Variants in EPHA3 observed in about 807,000 individuals in gnomAD.
EPHA3 encodes ephrin type-A receptor 3.
A neutral mutation model predicts 107.1 loss-of-function variants in EPHA3; 42 were observed. The ratio of observed to expected loss-of-function variants is 0.39; its 90% CI spans 0.31 to 0.51. The LOEUF (loss-of-function observed/expected upper bound fraction) is 0.51. Ranked by LOEUF, EPHA3 falls within the 20% of genes least tolerant of loss-of-function variation. The pLI, the probability that EPHA3 is intolerant of heterozygous loss-of-function variation, is 0.78. For missense variants in EPHA3, 1,183 were observed against 1,211.2 expected (o/e 0.98, Z 0.35); for synonymous variants, 461 against 424.8 (o/e 1.09, Z -1.05).
intron 3 of EPHA3, among the ~76,000 whole-genome samples, chr3:89,215,456 G>C (rs1296349903): frequency 1.3e-5 from 2 of 151,832 alleles, no homozygotes; most frequent in Non-Finnish European, 3.0e-5. Context: ...GGATTTGCAA[G>C]TTTAGGAAAA....
At chr3:89,238,031 A>G (rs538377900) in intron 3 of EPHA3, among the ~76,000 whole-genome samples, 1 of 152,100 alleles carries the variant, frequency 6.6e-6, no homozygotes, top group Admixed American at 6.5e-5. Context: ...ACCCTACATG[A>G]AGAGAAAAGA....
At chr3:89,155,329 A>G (rs1051281067) in intron 2 of EPHA3, among the ~76,000 whole-genome samples, 25 of 152,110 alleles carry the variant, frequency 1.6e-4, no homozygotes, top group African/African-American at 6.0e-4. Flanking sequence ...CATATAAAAT[A>G]CCCTTTTTCT....
intron 3 of EPHA3, among the ~76,000 whole-genome samples, chr3:89,271,113 G>T (rs1303408924): frequency 1.3e-5 from 2 of 151,900 alleles, no homozygotes; most frequent in Admixed American, 6.6e-5. Flanking sequence ...TATTAATATT[G>T]TTATATGTTC....
intron 13 of EPHA3, 136 bp from the exon 14 acceptor site, chr3:89,449,089 A>G (rs551573129): frequency 3.9e-6 from 3 of 776,900 alleles, no homozygotes; most frequent in South Asian, 1.1e-4. Flanking sequence ...AATAACATCA[A>G]AATGTTTCAC....
intron 3 of EPHA3, among the ~76,000 whole-genome samples, chr3:89,286,265 AAGTG>A (rs1267541420): frequency 2.0e-5 from 3 of 151,456 alleles, no homozygotes; most frequent in Non-Finnish European, 2.9e-5. Context: ...AGCGTGGGAC[AAGTG>A]AGTAAGAGAA....
intron 16 of EPHA3, among the ~76,000 whole-genome samples, chr3:89,474,287 A>G (rs1050730392): frequency 2.4e-4 from 36 of 152,226 alleles, no homozygotes; most frequent in African/African-American, 8.7e-4. Context: ...ACCCTAGTCA[A>G]TTTAACATGC....
At chr3:89,368,317 A>G (rs1272258524) in intron 5 of EPHA3, among the ~76,000 whole-genome samples, 1 of 150,580 alleles carries the variant, frequency 6.6e-6, no homozygotes, top group Non-Finnish European at 1.5e-5. Flanking sequence ...AAGCAGAACT[A>G]TAAGGTAGTA....
chr3:89,145,123 G>A (rs1389379026), intron 2 of EPHA3, among the ~76,000 whole-genome samples: 1 of 151,616 alleles, frequency 6.6e-6, no homozygotes, highest in African/African-American at 2.4e-5. Context: ...GATAGAGGAG[G>A]GGAGACAGGG....
chr3:89,330,101 C>G (rs1390558448), intron 3 of EPHA3, among the ~76,000 whole-genome samples: 1 of 151,908 alleles, frequency 6.6e-6, no homozygotes, highest in African/African-American at 2.4e-5. Context: ...ATCCCCTAAG[C>G]ACTTATTTAT....
chr3:89,443,129 G>A (rs769007015), intron 13 of EPHA3, among the ~76,000 whole-genome samples: 2 of 151,958 alleles, frequency 1.3e-5, no homozygotes, highest in East Asian at 3.9e-4. Flanking sequence ...TTCTACAAAG[G>A]GGTAACGTCC....
intron 2 of EPHA3, among the ~76,000 whole-genome samples, chr3:89,149,198 G>A (rs1418212492): frequency 6.6e-6 from 1 of 152,006 alleles, no homozygotes; most frequent in Non-Finnish European, 1.5e-5. Context: ...TGACATGGTT[G>A]TATGCACGTC....
At chr3:89,469,845 T>C (rs983593997) in intron 15 of EPHA3, among the ~76,000 whole-genome samples, 11 of 152,180 alleles carry the variant, frequency 7.2e-5, no homozygotes, top group Non-Finnish European at 1.0e-4. Context: ...CATGTCGATA[T>C]ATTATTTGTT....
intron 13 of EPHA3, among the ~76,000 whole-genome samples, chr3:89,447,314 C>A (rs1709894383): frequency 6.6e-6 from 1 of 152,160 alleles, no homozygotes; most frequent in Non-Finnish European, 1.5e-5. Context: ...GTTGCGCTCA[C>A]TGTGTGTCTT....
At chr3:89,437,255 C>T (rs938030145) in intron 13 of EPHA3, among the ~76,000 whole-genome samples, 1 of 151,904 alleles carries the variant, frequency 6.6e-6, no homozygotes, top group Non-Finnish European at 1.5e-5. Context: ...TAAATTATGG[C>T]ATAGTTTTAT....
At chr3:89,444,727 A>C (rs533598666) in intron 13 of EPHA3, among the ~76,000 whole-genome samples, 1 of 152,058 alleles carries the variant, frequency 6.6e-6, no homozygotes, top group African/African-American at 2.4e-5. Context: ...ACAAATGACA[A>C]AATTTTCTAA....
At chr3:89,228,890 A>G (rs1276358063) in intron 3 of EPHA3, among the ~76,000 whole-genome samples, 1 of 152,060 alleles carries the variant, frequency 6.6e-6, no homozygotes, top group South Asian at 2.1e-4. Context: ...TTCCCAAGGC[A>G]GTACATGAGC....
intron 15 of EPHA3, among the ~76,000 whole-genome samples, chr3:89,457,384 C>G (rs1378110530): frequency 6.6e-6 from 1 of 152,158 alleles, no homozygotes; most frequent in Non-Finnish European, 1.5e-5. Context: ...AGCATTACCG[C>G]CTGAGCTCTA....
chr3:89,179,196 T>C (rs746003707), intron 2 of EPHA3, among the ~76,000 whole-genome samples: 3 of 152,092 alleles, frequency 2.0e-5, no homozygotes, highest in African/African-American at 7.2e-5. Flanking sequence ...GAAATTATAT[T>C]TGAGATGGAA....
At chr3:89,126,514 T>G (rs1265234942) in intron 1 of EPHA3, among the ~76,000 whole-genome samples, 1 of 151,722 alleles carries the variant, frequency 6.6e-6, no homozygotes, top group East Asian at 1.9e-4. Context: ...CGATTAAAAG[T>G]CATTAGAACT....
Sources: allele counts gnomAD v4.1 joint callset (sites outside exome capture counted in the v4.1 genomes callset), GRCh38; gene constraint gnomAD v4.1.1; transcripts MANE v1.5; gene names NCBI Gene and HGNC (gene_info 2026-07-23, HGNC 2026-07-21).